The following ATP10A variants were observed in gnomAD, a reference collection of about 807,000 sequenced individuals.
ATP10A encodes the protein ATPase phospholipid transporting 10A (putative).
A neutral mutation model predicts 147.8 loss-of-function variants in ATP10A; 111 were observed. The observed-to-expected ratio is 0.75, with a 90% CI of 0.64 to 0.88. The LOEUF (loss-of-function observed/expected upper bound fraction) is 0.88, where lower values mean the gene tolerates loss of function less well. ATP10A is among the 40% of genes least tolerant of loss of function. ATP10A has a pLI of 0.00. For missense variants in ATP10A, 1,927 were observed against 1,959.0 expected, an observed-to-expected ratio of 0.98 and a Z score of 0.31; for synonymous variants, 875 against 841.6, an observed-to-expected ratio of 1.04 and a Z score of -0.69.
Position 25,723,942 on chromosome 15 carries a change from G to T in ATP10A, c.1059C>A (p.Ser353=). 1.2e-6 allele frequency: 2 copies of T among 1,610,608 alleles called. No individual in the cohort carries two copies. Among genetic ancestry groups the T allele is most frequent in the South Asian group, 2.2e-5 (2 of 90,134 alleles). The change falls in exon 6 of 21, where the codon TCC becomes TCA. Residue 353 remains serine (S), a synonymous_variant. Transcript: ENST00000555815. ...YVPKSDGSSL[S]PVTAAVYSFL... ...ATGAGTAAACTGCAGCTGTGACTGG[G>T]GATAAGGAGCTTCCATCAGACTTGG... is the stretch of plus-strand genomic sequence containing the variant.
intron 1 of ATP10A, among the ~76,000 whole-genome samples, chr15:25,794,013 G>T (rs1017022349): frequency 6.6e-6 from 1 of 152,212 alleles, no homozygotes; most frequent in Non-Finnish European, 1.5e-5. Flanking sequence ...GGGAGGGAGA[G>T]AAGGGTTTTG....
intron 2 of ATP10A, among the ~76,000 whole-genome samples, chr15:25,777,774 C>CT (rs1427683713): frequency 5.0e-4 from 33 of 66,626 alleles, no homozygotes; most frequent in Non-Finnish European, 6.9e-4. Flanking sequence ...AATTTTTTTT[C>CT]TTTCTTTCTT....
chr15:25,805,289 G>A (rs1039668198), intron 1 of ATP10A, among the ~76,000 whole-genome samples: 2 of 152,218 alleles, frequency 1.3e-5, no homozygotes, highest in African/African-American at 2.4e-5. Context: ...CTGGAGCCAC[G>A]CCACCAGCCA....
intron 2 of ATP10A, among the ~76,000 whole-genome samples, chr15:25,770,265 G>A (rs1270203689): frequency 6.6e-6 from 1 of 152,144 alleles, no homozygotes. Flanking sequence ...CCACAGTTGG[G>A]GATCGGCCCA....
At chr15:25,693,050 C>T (rs1424100922) in intron 14 of ATP10A, among the ~76,000 whole-genome samples, 2 of 151,836 alleles carry the variant, frequency 1.3e-5, no homozygotes, top group African/African-American at 2.4e-5. Flanking sequence ...GACAGGGTCT[C>T]TCACTCTATT....
chr15:25,809,255 G>T (rs1891327693), intron 1 of ATP10A, among the ~76,000 whole-genome samples: 1 of 152,118 alleles, frequency 6.6e-6, no homozygotes, highest in South Asian at 2.1e-4. Context: ...GTCACATGAA[G>T]AGCCCATGAG....
rs1190259034 is a variant in ATP10A at position 25,863,275 on chromosome 15, C to G, written c.-179G>C. The stretch of plus-strand genomic sequence containing the variant: ...AGCGCGCCCAGCCCGCGCCCAGCCC[C>G]GTCCACTCCCGTCCAGCCCCGCCGC... On this transcript the variant is annotated 5_prime_UTR_variant, in exon 1 of 21. Coordinates refer to ENST00000555815, the MANE Select transcript of ATP10A (RefSeq NM_024490.4). 3 of 222,716 alleles carry G rather than the reference C, an allele frequency of 1.3e-5. No individual in the cohort carries two copies. The highest frequency in any genetic ancestry group is 7.8e-6 in the Non-Finnish European group (1 of 128,518). The allele number at this position is 222,716 out of a possible 1,614,324, so 13.8% of individuals were successfully genotyped here.
chr15:25,797,898 C>T (rs1220289878), intron 1 of ATP10A, among the ~76,000 whole-genome samples: 3 of 152,172 alleles, frequency 2.0e-5, no homozygotes, highest in East Asian at 1.9e-4. Context: ...CCTCCAGGGA[C>T]ATCTACAGGG....
chr15:25,682,468 G>A (rs1272743888), intron 17 of ATP10A, among the ~76,000 whole-genome samples: 3 of 152,172 alleles, frequency 2.0e-5, no homozygotes, highest in Admixed American at 2.0e-4. Context: ...AGCACTTAGG[G>A]AAAGTGCTGG....
At chr15:25,778,643 T>C (rs184055717) in intron 2 of ATP10A, among the ~76,000 whole-genome samples, 38 of 152,302 alleles carry the variant, frequency 2.5e-4, no homozygotes, top group African/African-American at 8.9e-4. Flanking sequence ...GACCAGATCA[T>C]GGCTCAAAGC....
chr15:25,846,897 G>A (rs1048891170), intron 1 of ATP10A, among the ~76,000 whole-genome samples: 3 of 151,806 alleles, frequency 2.0e-5, no homozygotes, highest in South Asian at 2.1e-4. Flanking sequence ...ATTACATGCC[G>A]GTAATTTATA....
chr15:25,679,248 A>T lies in ATP10A; in HGVS notation c.*93T>A. On this transcript the variant is annotated 3_prime_UTR_variant, in exon 21 of 21. Coordinates refer to ENST00000555815, the MANE Select transcript of ATP10A (RefSeq NM_024490.4). ...TGTATTAGCCTGGGAAACATTTAGA[A>T]ATACATCTCCCTAGAACTCTTCTGT... 4.0e-6 allele frequency: 4 copies of T among 1,007,114 alleles called. No homozygotes were observed. Among genetic ancestry groups the T allele is most frequent in the Non-Finnish European group, 5.1e-6 (4 of 784,534 alleles). The allele number at this position is 1,007,114 out of a possible 1,614,324, so 62.4% of individuals were successfully genotyped here.
At chr15:25,858,403 T>C (rs1315345793) in intron 1 of ATP10A, among the ~76,000 whole-genome samples, 1 of 151,808 alleles carries the variant, frequency 6.6e-6, no homozygotes, top group Non-Finnish European at 1.5e-5. Context: ...GAGGAAGAGA[T>C]GAGGCTCACC....
chr15:25,750,701 A>G lies in ATP10A; in HGVS notation c.655-14560T>C, dbSNP rs556198173. 7.5e-5 allele frequency among the ~76,000 whole-genome samples: 6 copies of G among 79,886 alleles called. No individual in the cohort carries two copies. The East Asian group carries it at 2.1e-3, about 28-fold the overall frequency. The allele number at this position is 79,886 out of a possible 152,430, so 52.4% of individuals were successfully genotyped here. On this transcript the variant is annotated intron_variant, in intron 2 of 20. Coordinates refer to ENST00000555815, the MANE Select transcript of ATP10A (RefSeq NM_024490.4). The stretch of plus-strand genomic sequence containing the variant: ...AAAATAACATTCGTTTACAACATAT[A>G]TATATGATGATGATGATGATGATGA...
chr15:25,754,932 C>T (rs1262601561), intron 2 of ATP10A, among the ~76,000 whole-genome samples: 1 of 152,146 alleles, frequency 6.6e-6, no homozygotes, highest in Admixed American at 6.5e-5. Context: ...AAAGAGACAA[C>T]AGGATTCCCA....
At chr15:25,750,962 A>G (rs1392232290) in intron 2 of ATP10A, among the ~76,000 whole-genome samples, 3 of 152,132 alleles carry the variant, frequency 2.0e-5, no homozygotes, top group African/African-American at 7.2e-5. Flanking sequence ...GAAAACAACT[A>G]GCAAGATGAT....
intron 5 of ATP10A, 36 bp from the exon 6 acceptor site, chr15:25,724,057 A>T (rs747094689): frequency 4.8e-6 from 7 of 1,466,718 alleles, no homozygotes; most frequent in Admixed American, 5.0e-5. Flanking sequence ...TCATTCATCC[A>T]ATGGAAAAAT....
At position 25,683,273 on chromosome 15, in the gene ATP10A, G is replaced by C; in HGVS notation, c.3492+13C>G. On this transcript the variant is annotated intron_variant, in intron 17 of 20. Coordinates refer to ENST00000555815, the MANE Select transcript of ATP10A (RefSeq NM_024490.4). ...CTCAGGAGGTGGAAGGCGGAGACTC[G>C]GGGGAGCTTTACCTCCATGTTCTGG... The C allele has an allele frequency of 6.2e-7, 1 of 1,611,746 alleles. No homozygotes were observed. The highest frequency in any genetic ancestry group is 1.7e-5 in the Admixed American group (1 of 59,994).
intron 13 of ATP10A, among the ~76,000 whole-genome samples, chr15:25,698,330 C>T (rs147243755): frequency 3.6e-4 from 55 of 152,250 alleles, no homozygotes; most frequent in African/African-American, 1.3e-3. Flanking sequence ...TGGATGGGCC[C>T]AATGGGAGAA....
Sources: gnomAD v4.1 joint callset for allele counts (sites outside exome capture counted in the v4.1 genomes callset) on GRCh38, gnomAD v4.1.1 for gene constraint, MANE v1.5 for transcripts, NCBI Gene and HGNC (gene_info 2026-07-23, HGNC 2026-07-21) for gene names.